Variants in KCNE1 observed in about 807,000 individuals in gnomAD.
The protein encoded by KCNE1 is potassium voltage-gated channel subfamily E regulatory subunit 1, also known as potassium voltage-gated channel subfamily E member 1.
KCNE1 carries 1 observed loss-of-function variant against 2.9 expected under a neutral mutation model. That is an observed-to-expected ratio of 0.34 (90% CI 0.12 to 1.62). The LOEUF is 1.62. Ranked by LOEUF, KCNE1 falls within the 40% of genes most tolerant of loss-of-function variation. KCNE1 has a pLI of 0.36. For missense variants in KCNE1, 45 were observed against 150.5 expected, an observed-to-expected ratio of 0.30 and a Z score of 3.67; for synonymous variants, 23 against 65.4, an observed-to-expected ratio of 0.35 and a Z score of 3.13.
intron 2 of KCNE1, among the ~76,000 whole-genome samples, chr21:34,503,901 G>A (rs143064908): frequency 1.5e-4 from 23 of 152,206 alleles, no homozygotes; most frequent in African/African-American, 2.4e-4. Context: ...TTTTGGAGGC[G>A]CACCTCACCT....
chr21:34,506,188 GT>G (rs1983476434), intron 2 of KCNE1, among the ~76,000 whole-genome samples: 1 of 152,174 alleles, frequency 6.6e-6, no homozygotes, highest in South Asian at 2.1e-4. Flanking sequence ...TGTCCCCTCT[GT>G]CCCAGCTCTT....
intron 2 of KCNE1, among the ~76,000 whole-genome samples, chr21:34,508,213 A>G (rs1369568063): frequency 1.4e-5 from 2 of 146,970 alleles, no homozygotes; most frequent in Non-Finnish European, 3.0e-5. Flanking sequence ...TTTTCTGTAG[A>G]GGCAAGGTTT....
intron 2 of KCNE1, among the ~76,000 whole-genome samples, chr21:34,499,468 G>T (rs1395199175): frequency 6.6e-6 from 1 of 152,128 alleles, no homozygotes; most frequent in African/African-American, 2.4e-5. Flanking sequence ...TTATTACAAA[G>T]CTCACTTGGA....
intron 2 of KCNE1, among the ~76,000 whole-genome samples, chr21:34,500,532 T>C (rs1165951085): frequency 6.6e-6 from 1 of 152,234 alleles, no homozygotes; most frequent in Non-Finnish European, 1.5e-5. Flanking sequence ...AACACTTACA[T>C]GGTTCAAAAG....
At chr21:34,511,737 T>C (rs189280626) in intron 1 of KCNE1, among the ~76,000 whole-genome samples, 2 of 152,314 alleles carry the variant, frequency 1.3e-5, no homozygotes, top group African/African-American at 4.8e-5. Context: ...GCCTTCTGGA[T>C]AGGCACTGCC....
At chr21:34,507,599 C>T (rs980904716) in intron 2 of KCNE1, among the ~76,000 whole-genome samples, 14 of 152,252 alleles carry the variant, frequency 9.2e-5, no homozygotes, top group Middle Eastern at 3.4e-3. Flanking sequence ...GGCTGAGGGA[C>T]GGGGTACCCC....
chr21:34,496,243 T>A (rs1366681142), intron 2 of KCNE1, among the ~76,000 whole-genome samples: 2 of 152,014 alleles, frequency 1.3e-5, no homozygotes, highest in Non-Finnish European at 2.9e-5. Context: ...CCGTCTAATT[T>A]TTTCTATTTT....
intron 2 of KCNE1, among the ~76,000 whole-genome samples, chr21:34,506,087 A>G (rs575623097): frequency 2.6e-4 from 40 of 152,338 alleles, no homozygotes; most frequent in African/African-American, 9.4e-4. Flanking sequence ...TTTGTTCTTG[A>G]GTCCCTACAG....
intron 2 of KCNE1, among the ~76,000 whole-genome samples, chr21:34,495,997 C>T (rs1175704144): frequency 6.6e-6 from 1 of 152,120 alleles, no homozygotes; most frequent in East Asian, 1.9e-4. Flanking sequence ...CTCTTTCAGA[C>T]ATTTTCATGT....
At chr21:34,506,805 T>C (rs1225820562) in intron 2 of KCNE1, among the ~76,000 whole-genome samples, 1 of 152,158 alleles carries the variant, frequency 6.6e-6, no homozygotes, top group Non-Finnish European at 1.5e-5. Context: ...ATGCAGTGGC[T>C]TTGCAGGAGC....
intron 2 of KCNE1, among the ~76,000 whole-genome samples, chr21:34,500,724 C>T (rs1983114403): frequency 2.0e-5 from 3 of 152,250 alleles, no homozygotes; most frequent in African/African-American, 4.8e-5. Context: ...CAAAAAATAA[C>T]ACCATATATG....
At chr21:34,502,474 C>T (rs571116673) in intron 2 of KCNE1, among the ~76,000 whole-genome samples, 1 of 152,292 alleles carries the variant, frequency 6.6e-6, no homozygotes, top group East Asian at 1.9e-4. Flanking sequence ...AAGCCAAAAC[C>T]TAGATTGGCT....
chr21:34,509,917 C>G (rs1983737866), intron 2 of KCNE1: 1 of 152,212 alleles, frequency 6.6e-6, no homozygotes, highest in African/African-American at 2.4e-5. Context: ...TCCTCCCACC[C>G]TCCACTCTCA....
At chr21:34,498,930 C>T (rs187987101) in intron 2 of KCNE1, among the ~76,000 whole-genome samples, 3 of 152,290 alleles carry the variant, frequency 2.0e-5, no homozygotes, top group African/African-American at 7.2e-5. Flanking sequence ...TTGGGTTTCT[C>T]AGGTGATGGG....
intron 2 of KCNE1, among the ~76,000 whole-genome samples, chr21:34,503,677 C>G (rs1429278990): frequency 2.6e-5 from 4 of 152,184 alleles, no homozygotes; most frequent in Non-Finnish European, 4.4e-5. Context: ...GAGACTTCAA[C>G]TGTATATCAG....
In KCNE1 at chr21:34,511,164, C is replaced by G. The variant is rs886057026; in HGVS notation, c.-225G>C. On this transcript the variant is annotated 5_prime_UTR_variant, in exon 2 of 4. Transcript: ENST00000399286. ...TGTCCACACCATTGGCAGCAGGCTC[C>G]TTCTCTTCAGGTGGTCTTAGGAACT... 4 of 985,712 alleles carry G rather than the reference C, an allele frequency of 4.1e-6. No homozygotes were observed. The highest frequency in any genetic ancestry group is 4.8e-6 in the Non-Finnish European group (4 of 830,160). The allele number at this position is 985,712 out of a possible 1,614,324, so 61.1% of individuals were successfully genotyped here.
intron 2 of KCNE1, among the ~76,000 whole-genome samples, chr21:34,508,576 C>G (rs576062179): frequency 1.1e-4 from 16 of 152,290 alleles, no homozygotes; most frequent in Admixed American, 6.5e-4. Flanking sequence ...CTCCTGACCT[C>G]AGGTGATCCA....
intron 2 of KCNE1, among the ~76,000 whole-genome samples, chr21:34,505,565 G>A (rs776995479): frequency 1.5e-4 from 23 of 152,170 alleles, no homozygotes; most frequent in Non-Finnish European, 2.5e-4. Context: ...ATCATGCCAG[G>A]CTTAGGGCAT....
rs556316466 is a variant in KCNE1, at chr21:34,449,976, T to C, written c.-50-292A>G. The stretch of plus-strand genomic sequence containing the variant: ...GCATATTGTGGCGTATGGGGTTGCA[T>C]GTGTGCATTTTGGTTTACCTAAATG... On this transcript the variant is annotated intron_variant, in intron 3 of 3. Transcript: ENST00000399286. 2.2e-5 allele frequency among the ~76,000 whole-genome samples: 2 copies of C among 88,990 alleles called. 1 individual carries two copies. Among genetic ancestry groups the C allele is most frequent in the Non-Finnish European group, 5.2e-5 (2 of 38,444 alleles). 58.4% of individuals were successfully genotyped at this position (88,990 alleles called of 152,430 possible). A position where few individuals can be genotyped will look rare whatever the true frequency, so the allele number is the denominator to read the frequency against.
Sources: gnomAD v4.1 joint callset for allele counts (sites outside exome capture counted in the v4.1 genomes callset) on GRCh38, gnomAD v4.1.1 for gene constraint, MANE v1.5 for transcripts, NCBI Gene and HGNC (gene_info 2026-07-23, HGNC 2026-07-21) for gene names.